The following NCAPG2 variants were observed in gnomAD, a reference collection of about 807,000 sequenced individuals.
NCAPG2 encodes non-SMC condensin II complex subunit G2, also known as condensin-2 complex subunit G2.
NCAPG2 carries 53 observed loss-of-function variants against 141.1 expected under a neutral mutation model. The observed-to-expected ratio is 0.38, with a 90% CI of 0.30 to 0.47. The LOEUF is 0.47. Ranked by LOEUF, NCAPG2 falls within the 20% of genes least tolerant of loss-of-function variation. NCAPG2 has a pLI of 0.99. For synonymous variants in NCAPG2, 499 were observed against 490.7 expected (o/e 1.02, Z -0.22); for missense variants, 1,087 against 1,389.0 (o/e 0.78, Z 3.46).
chr7:158,667,163 C>A (rs1833031004), intron 13 of NCAPG2: 1 of 985,416 alleles, frequency 1.0e-6, no homozygotes, highest in Non-Finnish European at 1.2e-6. Flanking sequence ...AACCAAATGG[C>A]TGTCTGCCTT....
At chr7:158,636,897 T>C (rs1830237691) in intron 27 of NCAPG2, among the ~76,000 whole-genome samples, 1 of 152,156 alleles carries the variant, frequency 6.6e-6, no homozygotes, top group Admixed American at 6.5e-5. Flanking sequence ...ATCAGACCAC[T>C]GCCCTAAAAA....
At chr7:158,654,875 G>T in intron 21 of NCAPG2, 181 bp from the exon 22 acceptor site, 1 of 1,256,066 alleles carries the variant, frequency 8.0e-7, no homozygotes, top group Non-Finnish European at 1.1e-6. Flanking sequence ...GAAATCTAGA[G>T]ACATATTTTA....
At position 158,646,481 on chromosome 7, in the gene NCAPG2, A is replaced by G; in HGVS notation, c.3158T>C (p.Ile1053Thr). 3.1e-6 allele frequency: 5 copies of G among 1,599,674 alleles called. No homozygotes were observed. The highest frequency in any genetic ancestry group is 4.3e-6 in the Non-Finnish European group (5 of 1,175,360). ...TTACCTGACCACATTCGAAGACTTTATTATTATTCCTATTAAACACCTTGA... is the reference window on the plus strand; with the variant it reads ...TTACCTGACCACATTCGAAGACTTTGTTATTATTCCTATTAAACACCTTGA... ...PFSRCLIGII[I>T]KSSNVVRSFL... The change falls in exon 25 of 28, where the codon ATA becomes ACA. Residue 1053 changes from isoleucine to threonine, a missense_variant. Physicochemically the swap from Ile to Thr is moderately conservative, Grantham distance 89 (BLOSUM62 -1). Transcript: ENST00000356309.
At chr7:158,686,381 G>C (rs1834756160) in intron 7 of NCAPG2, 140 bp from the exon 8 acceptor site, 1 of 502,292 alleles carries the variant, frequency 2.0e-6, no homozygotes, top group Admixed American at 4.3e-5. Flanking sequence ...TATAGAAATA[G>C]GTTATCTACC....
chr7:158,671,437 T>C lies in NCAPG2; in HGVS notation c.1479+77A>G. On this transcript the variant is annotated intron_variant, in intron 13 of 27. Transcript: ENST00000356309. ...CAGTTATCAGTTTAAAATGTGGAAT[T>C]AAAACTACTTTCTTTCTGTTTGATG... 27 of 1,553,346 alleles carry C rather than the reference T, an allele frequency of 1.7e-5. No homozygotes were observed. The South Asian group carries it at 3.1e-4, about 18-fold the overall frequency.
chr7:158,651,073 G>T, intron 23 of NCAPG2, 101 bp from the exon 24 acceptor site: 1 of 1,236,132 alleles, frequency 8.1e-7, no homozygotes, highest in Non-Finnish European at 1.1e-6. Context: ...TCCTCCCCCA[G>T]GACTCAAGGA....
rs148838830 is a variant in NCAPG2, at chr7:158,642,934, C to G, written c.3380+1355G>C. Among the ~76,000 whole-genome samples the G allele has an allele frequency of 1.9e-3, 289 of 152,036 alleles. 2 individuals are homozygous for G. Among genetic ancestry groups the G allele is most frequent in the African/African-American group, 6.7e-3 (276 of 41,466 alleles). ...GGATTACAGAAGCGTGCCACCACAC[C>G]CGGCTAATTATTTTATTTTTATTTT... is the stretch of plus-strand genomic sequence containing the variant. On this transcript the variant is annotated intron_variant, in intron 27 of 27. Transcript: ENST00000356309.
At chr7:158,689,729 G>C (rs929030028) in intron 6 of NCAPG2, 90 bp downstream of exon 6, 1 of 1,214,320 alleles carries the variant, frequency 8.2e-7, no homozygotes, top group African/African-American at 1.6e-5. Flanking sequence ...GCAACACCGA[G>C]CATGGTGCAG....
intron 27 of NCAPG2, among the ~76,000 whole-genome samples, chr7:158,635,676 A>T (rs1293219231): frequency 6.6e-6 from 1 of 151,778 alleles, no homozygotes; most frequent in Non-Finnish European, 1.5e-5. Flanking sequence ...ATATCGGATG[A>T]GGCAATTAAA....
intron 27 of NCAPG2, among the ~76,000 whole-genome samples, chr7:158,642,107 C>T (rs997867808): frequency 2.6e-5 from 4 of 152,144 alleles, no homozygotes; most frequent in African/African-American, 9.7e-5. Flanking sequence ...GAAAAATCCC[C>T]AAACACTTGG....
chr7:158,631,424 T>C lies in NCAPG2; in HGVS notation c.*242A>G, dbSNP rs774412813. On this transcript the variant is annotated 3_prime_UTR_variant, in exon 28 of 28. Transcript: ENST00000356309. The stretch of plus-strand genomic sequence containing the variant: ...GTGTTTTTTCTTGGAATCATGGATT[T>C]CTACACCATTCATACCTGGAGTCCT... 4.1e-5 allele frequency: 20 copies of C among 485,878 alleles called. No individual in the cohort carries two copies. The highest frequency in any genetic ancestry group is 1.6e-4 in the Admixed American group (4 of 25,462). 30.1% of individuals were successfully genotyped at this position (485,878 alleles called of 1,614,324 possible).
chr7:158,666,616 ACTG>A (rs1832960355), intron 13 of NCAPG2, among the ~76,000 whole-genome samples: 1 of 151,510 alleles, frequency 6.6e-6, no homozygotes, highest in Non-Finnish European at 1.5e-5. Flanking sequence ...CGGGCCACAC[ACTG>A]CTGAAGAAAT....
At chr7:158,700,331 T>C (rs1174098170) in intron 2 of NCAPG2, among the ~76,000 whole-genome samples, 1 of 152,196 alleles carries the variant, frequency 6.6e-6, no homozygotes, top group Admixed American at 6.5e-5. Context: ...CAAAGGCTGG[T>C]TGGCACACAA....
At chr7:158,689,778 A>C (rs758573874) in intron 6 of NCAPG2, 41 bp downstream of exon 6, 6 of 1,495,258 alleles carry the variant, frequency 4.0e-6, no homozygotes, top group African/African-American at 1.4e-5. Context: ...ATCTATTAAG[A>C]AGCAGCTCAC....
intron 27 of NCAPG2, among the ~76,000 whole-genome samples, chr7:158,642,819 G>A (rs532379562): frequency 5.9e-5 from 9 of 152,076 alleles, no homozygotes; most frequent in South Asian, 4.1e-4. Context: ...AAAAATAAAC[G>A]AAACCAAAAG....
chr7:158,701,794 CACA>C, intron 2 of NCAPG2, 25 bp downstream of exon 2: 1 of 1,586,606 alleles, frequency 6.3e-7, no homozygotes. Flanking sequence ...AGTCAAAAAT[CACA>C]ACAAAACTAA....
intron 2 of NCAPG2, among the ~76,000 whole-genome samples, chr7:158,700,859 C>T (rs1328424635): frequency 6.6e-6 from 1 of 152,232 alleles, no homozygotes; most frequent in African/African-American, 2.4e-5. Context: ...GAGTCAGTGC[C>T]TCCAATGCTG....
At chr7:158,645,291 G>A (rs1397693657) in intron 26 of NCAPG2, among the ~76,000 whole-genome samples, 1 of 152,232 alleles carries the variant, frequency 6.6e-6, no homozygotes, top group Non-Finnish European at 1.5e-5. Flanking sequence ...CTCCACCACT[G>A]AAGAGTGAGC....
At chr7:158,685,591 A>C (rs1435895651) in intron 8 of NCAPG2, among the ~76,000 whole-genome samples, 3 of 152,202 alleles carry the variant, frequency 2.0e-5, no homozygotes, top group Non-Finnish European at 4.4e-5. Context: ...TATAATACTT[A>C]ATACAGTGTC....
Sources: gnomAD v4.1 joint callset for allele counts (sites outside exome capture counted in the v4.1 genomes callset) on GRCh38, gnomAD v4.1.1 for gene constraint, MANE v1.5 for transcripts, NCBI Gene and HGNC (gene_info 2026-07-23, HGNC 2026-07-21) for gene names.